ASAP1: variants seen among roughly 807,000 people sequenced by gnomAD.
The protein encoded by ASAP1 is ArfGAP with SH3 domain, ankyrin repeat and PH domain 1.
ASAP1 carries 43 observed loss-of-function variants against 145.2 expected under a neutral mutation model. That is an observed-to-expected ratio of 0.30 (90% CI 0.23 to 0.38). The LOEUF is 0.38. Ranked by LOEUF, ASAP1 falls within the 10% of genes least tolerant of loss-of-function variation. ASAP1 has a pLI of 1.00. For synonymous variants in ASAP1, 546 were observed against 515.5 expected (o/e 1.06, Z -0.80); for missense variants, 1,018 against 1,355.3 (o/e 0.75, Z 3.91).
intron 5 of ASAP1, among the ~76,000 whole-genome samples, chr8:130,212,730 T>C (rs12676836): frequency 0.18 from 28,007 of 152,164 alleles, 3,271 homozygotes; most frequent in East Asian, 0.44. Context: ...ACAAATGTAT[T>C]AGGTGAGCAA....
intron 20 of ASAP1, among the ~76,000 whole-genome samples, chr8:130,117,843 G>C (rs2097558882): frequency 6.6e-6 from 1 of 152,116 alleles, no homozygotes; most frequent in Non-Finnish European, 1.5e-5. Context: ...ATTTATAAAG[G>C]CCAAGAGATG....
intron 3 of ASAP1, among the ~76,000 whole-genome samples, chr8:130,314,407 GTGGGTATCATCATGCCCA>G (rs1447442614): frequency 6.6e-6 from 1 of 152,212 alleles, no homozygotes; most frequent in Non-Finnish European, 1.5e-5. Context: ...ACATTACAAA[GTGGGTATCATCATGCCCA>G]TGTTACAGAT....
chr8:130,224,305 G>A (rs575545871), intron 4 of ASAP1, among the ~76,000 whole-genome samples: 1 of 152,182 alleles, frequency 6.6e-6, no homozygotes, highest in South Asian at 2.1e-4. Context: ...TGCCATAAAA[G>A]GGGAAGTGAC....
intron 27 of ASAP1, 148 bp downstream of exon 27, chr8:130,076,200 T>TTTACCTTTC: frequency 3.8e-6 from 2 of 528,522 alleles, no homozygotes; most frequent in Non-Finnish European, 6.7e-6. Flanking sequence ...CGTCATTTAA[T>TTTACCTTTC]GTGTATTTAC....
chr8:130,409,804 CTG>C (rs1334351896), intron 1 of ASAP1, among the ~76,000 whole-genome samples: 1 of 152,210 alleles, frequency 6.6e-6, no homozygotes, highest in Non-Finnish European at 1.5e-5. Flanking sequence ...ACCAGAACCA[CTG>C]TCTTGCTGGA....
rs1342821951 is a variant in ASAP1 at position 130,358,137 on chromosome 8, C to A, written c.66G>T (p.Pro22=). The A allele has an allele frequency of 1.2e-6, 2 of 1,604,786 alleles. No individual in the cohort carries two copies. The highest frequency in any genetic ancestry group is 1.7e-6 in the Non-Finnish European group (2 of 1,176,994). The change falls in exon 3 of 30, where the codon CCG becomes CCT. Residue 22 remains proline, a synonymous_variant. Transcript: ENST00000518721. This position sits in a 1 kb window ranked among gnomAD's most constrained non-coding sequence, Gnocchi z 4.1. ...TGAACTCCGAGACAGAGATCTGGTC[C>A]GGCATCCTGCCGGGAGGGACGAGAC... The part of the protein sequence containing the change: ...SSRDSLWNRM[P]DQISVSEFIA...
chr8:130,286,675 A>G (rs111389154), intron 3 of ASAP1, among the ~76,000 whole-genome samples: 2,506 of 152,274 alleles, frequency 0.016, 69 homozygotes, highest in African/African-American at 0.055. Flanking sequence ...AATAAGGGTT[A>G]CCCATCATCA....
intron 24 of ASAP1, among the ~76,000 whole-genome samples, chr8:130,094,144 T>C (rs2097512048): frequency 6.6e-6 from 1 of 152,208 alleles, no homozygotes; most frequent in Non-Finnish European, 1.5e-5. Flanking sequence ...TGCATCTGTA[T>C]AATGCTTTGT....
intron 3 of ASAP1, among the ~76,000 whole-genome samples, chr8:130,344,977 T>C (rs142486031): frequency 4.9e-4 from 75 of 152,328 alleles, no homozygotes; most frequent in Non-Finnish European, 1.0e-3. Context: ...ATCTCCAGCA[T>C]AGGTCTGTCT....
intron 11 of ASAP1, among the ~76,000 whole-genome samples, chr8:130,163,817 A>C (rs760241921): frequency 6.6e-6 from 1 of 152,270 alleles, no homozygotes; most frequent in Non-Finnish European, 1.5e-5. Flanking sequence ...AACATAAAAC[A>C]TAAACAATGA....
intron 3 of ASAP1, among the ~76,000 whole-genome samples, chr8:130,307,644 T>C (rs1389247333): frequency 6.6e-6 from 1 of 152,206 alleles, no homozygotes; most frequent in Non-Finnish European, 1.5e-5. Flanking sequence ...ATTTAAATGT[T>C]TCCCTTCCAC....
intron 1 of ASAP1, among the ~76,000 whole-genome samples, chr8:130,412,588 C>G (rs1829313253): frequency 6.6e-6 from 1 of 151,958 alleles, no homozygotes; most frequent in African/African-American, 2.4e-5. Flanking sequence ...TCCGATATTT[C>G]TTTATAACAA....
At chr8:130,174,736 T>C (rs893737320) in intron 9 of ASAP1, among the ~76,000 whole-genome samples, 2 of 152,248 alleles carry the variant, frequency 1.3e-5, no homozygotes, top group African/African-American at 4.8e-5. Flanking sequence ...GCTGCTGAGT[T>C]AGTGAACATA....
chr8:130,180,714 A>T, intron 8 of ASAP1, 37 bp downstream of exon 8: 1 of 1,593,248 alleles, frequency 6.3e-7, no homozygotes, highest in Admixed American at 1.8e-5. Context: ...CACAGTTGTT[A>T]TAATTCTAGG....
At chr8:130,252,252 GA>G (rs1237979562) in intron 3 of ASAP1, among the ~76,000 whole-genome samples, 1 of 151,772 alleles carries the variant, frequency 6.6e-6, no homozygotes, top group Non-Finnish European at 1.5e-5. Flanking sequence ...TCATAATTTA[GA>G]ACATCAAGTT....
At chr8:130,200,206 A>C (rs1815776070) in intron 5 of ASAP1, among the ~76,000 whole-genome samples, 1 of 152,210 alleles carries the variant, frequency 6.6e-6, no homozygotes, top group Non-Finnish European at 1.5e-5. Context: ...TAGAGATTTC[A>C]AACTATTACA....
intron 3 of ASAP1, among the ~76,000 whole-genome samples, chr8:130,297,990 C>T (rs1822390581): frequency 6.6e-6 from 1 of 152,182 alleles, no homozygotes; most frequent in South Asian, 2.1e-4. Context: ...GGGTTCCAGT[C>T]CCAATTCTCT....
chr8:130,428,648 CCAT>C (rs541930947), intron 1 of ASAP1, among the ~76,000 whole-genome samples: 218 of 149,840 alleles, frequency 1.5e-3, no homozygotes, highest in African/African-American at 4.9e-3. Context: ...ATCATCACCA[CCAT>C]CATCACCATC....
At chr8:130,157,567 T>G (rs906716526) in intron 12 of ASAP1, among the ~76,000 whole-genome samples, 1 of 152,152 alleles carries the variant, frequency 6.6e-6, no homozygotes, top group East Asian at 1.9e-4. Context: ...CATGTTGGAT[T>G]ATGTCACTCT....
Sources: gnomAD v4.1 joint callset for allele counts (sites outside exome capture counted in the v4.1 genomes callset) on GRCh38, gnomAD v4.1.1 for gene constraint, Gnocchi (gnomAD v3.1) non-coding constraint, MANE v1.5 for transcripts, NCBI Gene and HGNC (gene_info 2026-07-23, HGNC 2026-07-21) for gene names.